PCSK5: variants seen among roughly 807,000 people sequenced by gnomAD.
PCSK5 encodes the protein prohormone convertase 5.
A neutral mutation model predicts 233.2 loss-of-function variants in PCSK5; 129 were observed. That is an observed-to-expected ratio of 0.55 (90% CI 0.48 to 0.64). The LOEUF is 0.64. PCSK5 is among the 30% of genes least tolerant of loss of function. The pLI, the probability that PCSK5 is intolerant of heterozygous loss-of-function variation, is 0.00. For missense variants in PCSK5, 2,076 were observed against 2,430.1 expected (o/e 0.85, Z 3.06); for synonymous variants, 825 against 879.2 (o/e 0.94, Z 1.09).
At chr9:76,107,130 A>T (rs1475604371) in intron 8 of PCSK5, 121 bp from the exon 9 acceptor site, 2 of 578,562 alleles carry the variant, frequency 3.5e-6, no homozygotes, top group Admixed American at 6.1e-5. Flanking sequence ...GTGTAGGAAC[A>T]AGGAATTTAA....
intron 7 of PCSK5, among the ~76,000 whole-genome samples, chr9:76,081,163 G>A (rs1830819708): frequency 6.6e-6 from 1 of 152,078 alleles, no homozygotes; most frequent in South Asian, 2.1e-4. Flanking sequence ...AGATTTAAAA[G>A]CATATTAAGG....
In PCSK5 at chr9:76,312,264, A is replaced by G. The variant is rs369331507; in HGVS notation, c.3884+1413A>G. ...GGTGGCTCACGCCTGTAATCACAGC[A>G]TTTTGGGAGGCCAACCGGGAGGATC... On this transcript the variant is annotated intron_variant, in intron 30 of 37. Coordinates refer to ENST00000674117, the MANE Select transcript of PCSK5 (RefSeq NM_001372043.1). 2.0e-5 allele frequency among the ~76,000 whole-genome samples: 3 copies of G among 152,322 alleles called. No homozygotes were observed. In the East Asian group the frequency reaches 5.8e-4, roughly 29 times the overall value.
upstream of PCSK5, among the ~76,000 whole-genome samples, chr9:75,889,929 T>C (rs369010484): frequency 1.3e-5 from 2 of 152,192 alleles, no homozygotes; most frequent in Non-Finnish European, 2.9e-5. Context: ...TGGGAAACTT[T>C]TCCCTTGGTG....
At chr9:76,173,521 T>TTTTTTTTTTTTTTTTTTTTTTTTTTC in intron 13 of PCSK5, among the ~76,000 whole-genome samples, 1 of 112,904 alleles carries the variant, frequency 8.9e-6, no homozygotes, top group Non-Finnish European at 1.9e-5. Flanking sequence ...TTTTTTTTTT[T>TTTTTTTTTTTTTTTTTTTTTTTTTTC]TTTTTTTTTT....
At chr9:76,347,848 C>T (rs1193076780) in intron 35 of PCSK5, among the ~76,000 whole-genome samples, 1 of 150,946 alleles carries the variant, frequency 6.6e-6, no homozygotes, top group Non-Finnish European at 1.5e-5. Flanking sequence ...TGTTCTCCCT[C>T]TTTTAGTGTT....
intron 34 of PCSK5, among the ~76,000 whole-genome samples, chr9:76,332,945 G>T (rs1299688246): frequency 1.3e-5 from 2 of 152,248 alleles, no homozygotes; most frequent in Non-Finnish European, 2.9e-5. Flanking sequence ...GGGAGGTTGA[G>T]GCTGGAGGAT....
intron 32 of PCSK5, among the ~76,000 whole-genome samples, chr9:76,327,095 C>G (rs1422465352): frequency 6.8e-6 from 1 of 147,150 alleles, no homozygotes; most frequent in Non-Finnish European, 1.5e-5. Context: ...AGTGAAGGCC[C>G]ATCTCTATTT....
rs527799051 is a variant in PCSK5, at chr9:76,165,860, A to C, written c.1620-3844A>C. Reference sequence around the variant, plus strand: ...GTTCACGCTGGGCATTAAGCTTTTTAGTTGATAAAAGAAGATCCCACAATT... The same window carrying C: ...GTTCACGCTGGGCATTAAGCTTTTTCGTTGATAAAAGAAGATCCCACAATT... On this transcript the variant is annotated intron_variant, in intron 12 of 37. Transcript: ENST00000674117. 1.3e-3 allele frequency among the ~76,000 whole-genome samples: 195 copies of C among 152,302 alleles called. 1 individual carries two copies. The highest frequency in any genetic ancestry group is 3.4e-3 in the Middle Eastern group (1 of 294).
At chr9:76,046,681 C>T (rs1238868662) in intron 5 of PCSK5, among the ~76,000 whole-genome samples, 1 of 149,662 alleles carries the variant, frequency 6.7e-6, no homozygotes, top group Non-Finnish European at 1.5e-5. Flanking sequence ...CTGTCTCAGC[C>T]TCCTGAGTAG....
chr9:76,302,129 TA>T lies in PCSK5; in HGVS notation c.3524-2del. On this transcript the variant is annotated splice_region_variant and splice_polypyrimidine_tract_variant and intron_variant, in intron 27 of 37. Transcript: ENST00000674117. ...AAAAACTAAACACTTTTTTTTTTAA[TA>T]AAAAAGAAGCTGTGTCCACTGCAAA... 4 of 1,276,888 alleles carry T rather than the reference TA, an allele frequency of 3.1e-6. No homozygotes were observed. Among genetic ancestry groups the T allele is most frequent in the Non-Finnish European group, 4.1e-6 (4 of 972,626 alleles). The allele number at this position is 1,276,888 out of a possible 1,614,324, so 79.1% of individuals were successfully genotyped here.
Position 76,340,735 on chromosome 9 carries a change from T to C in PCSK5, c.4966+2288T>C, listed in dbSNP as rs148025817. On this transcript the variant is annotated intron_variant, in intron 35 of 37. Coordinates refer to ENST00000674117, the MANE Select transcript of PCSK5 (RefSeq NM_001372043.1). ...TCTATTAAATGCAATTTAGAGTTTA[T>C]TGATCCTTCCTTTGTATCCTACCTA... Among the ~76,000 whole-genome samples the C allele has an allele frequency of 9.5e-3, 1,447 of 152,214 alleles. 18 individuals are homozygous for C. Among genetic ancestry groups the C allele is most frequent in the South Asian group, 0.042 (200 of 4,810 alleles).
rs765969622 is a variant in PCSK5, at chr9:76,184,789, CA to C, written c.2282+33del. 4.0e-6 allele frequency: 5 copies of C among 1,256,754 alleles called. No individual in the cohort carries two copies. In the South Asian group the frequency reaches 6.3e-5, roughly 16 times the overall value. 77.9% of individuals were successfully genotyped at this position (1,256,754 alleles called of 1,614,324 possible). On this transcript the variant is annotated intron_variant, in intron 17 of 37. Transcript: ENST00000674117. ...GAGTGAAGGATTTTATCAAGTAACA[CA>C]GCCCAAAGAGCTTCTCAATGTAAAT...
Position 76,189,231 on chromosome 9 carries a change from G to C in PCSK5, c.2510+8G>C, listed in dbSNP as rs1173108152. On this transcript the variant is annotated splice_region_variant and intron_variant, in intron 19 of 37. Coordinates refer to ENST00000674117, the MANE Select transcript of PCSK5 (RefSeq NM_001372043.1). ...ATACAAATCCTGCAAAAAGTAAGTG[G>C]ATCTGCCCCCTGGGCCCTAGCATTT... The C allele has an allele frequency of 1.9e-6, 3 of 1,611,672 alleles. No homozygotes were observed. The highest frequency in any genetic ancestry group is 1.7e-6 in the Non-Finnish European group (2 of 1,179,406).
At chr9:76,184,551 T>A in intron 16 of PCSK5, 122 bp from the exon 17 acceptor site, 2 of 543,198 alleles carry the variant, frequency 3.7e-6, no homozygotes, top group Non-Finnish European at 6.4e-6. Flanking sequence ...TGGCTTTTCC[T>A]GCAATTGTCT....
At chr9:76,019,995 G>A (rs987470692) in intron 3 of PCSK5, among the ~76,000 whole-genome samples, 2 of 152,176 alleles carry the variant, frequency 1.3e-5, no homozygotes, top group African/African-American at 2.4e-5. Context: ...TGCATATACT[G>A]TGCACGTATG....
intron 2 of PCSK5, among the ~76,000 whole-genome samples, chr9:75,977,364 TC>T (rs1166028954): frequency 6.7e-6 from 1 of 150,132 alleles, no homozygotes; most frequent in Admixed American, 6.6e-5. Context: ...TCACTGTTCT[TC>T]CTGACACTCT....
chr9:76,210,026 T>C (rs1317640648), intron 20 of PCSK5, among the ~76,000 whole-genome samples: 3 of 152,148 alleles, frequency 2.0e-5, no homozygotes, highest in Admixed American at 2.0e-4. Context: ...TATCATGGGC[T>C]TGGGGGACTG....
chr9:76,102,249 GT>G (rs1383691657), intron 8 of PCSK5, among the ~76,000 whole-genome samples: 2 of 152,118 alleles, frequency 1.3e-5, no homozygotes, highest in African/African-American at 4.8e-5. Flanking sequence ...TTTTGTAGCT[GT>G]TTGTCCTTGG....
intron 5 of PCSK5, among the ~76,000 whole-genome samples, chr9:76,066,157 A>G (rs1481107815): frequency 6.6e-6 from 1 of 152,006 alleles, no homozygotes; most frequent in African/African-American, 2.4e-5. Context: ...CTTTTTTTCC[A>G]TTTCTGTGAA....
Sources: gnomAD v4.1 joint callset for allele counts (sites outside exome capture counted in the v4.1 genomes callset) on GRCh38, gnomAD v4.1.1 for gene constraint, MANE v1.5 for transcripts, NCBI Gene and HGNC (gene_info 2026-07-23, HGNC 2026-07-21) for gene names.